FLT1: variants seen among roughly 807,000 people sequenced by gnomAD.
The protein encoded by FLT1 is vascular endothelial growth factor receptor 1.
FLT1 carries 49 observed loss-of-function variants against 156.3 expected under a neutral mutation model. The observed-to-expected ratio is 0.31, with a 90% CI of 0.25 to 0.40. FLT1 has a LOEUF of 0.40. Ranked by LOEUF, FLT1 falls within the 10% of genes least tolerant of loss-of-function variation. The pLI is 1.00. For synonymous variants in FLT1, 594 were observed against 583.8 expected (o/e 1.02, Z -0.25); for missense variants, 1,322 against 1,637.2 (o/e 0.81, Z 3.32).
At chr13:28,414,803 T>C (rs930408146) in intron 10 of FLT1, among the ~76,000 whole-genome samples, 1 of 151,452 alleles carries the variant, frequency 6.6e-6, no homozygotes, top group African/African-American at 2.4e-5. Flanking sequence ...CAATCACACA[T>C]CAGATGTCAA....
chr13:28,332,277 T>C (rs1871961393), intron 18 of FLT1, among the ~76,000 whole-genome samples: 1 of 152,054 alleles, frequency 6.6e-6, no homozygotes. Context: ...AACTCATTCA[T>C]CTCCCTATAA....
At chr13:28,386,734 T>TA in intron 13 of FLT1, 1 of 1,054,818 alleles carries the variant, frequency 9.5e-7, no homozygotes. Flanking sequence ...ATTTTTTACA[T>TA]AGTGAAGACC....
Position 28,433,807 on chromosome 13 carries a change from T to G in FLT1, c.813+12A>C, listed in dbSNP as rs779214046. On this transcript the variant is annotated intron_variant, in intron 6 of 29. Transcript: ENST00000282397. The stretch of plus-strand genomic sequence containing the variant: ...CTGTCCTGCAGAAGAAATAGAAAAA[T>G]GGGTCACTCACTTCATCAGGGTAAC... 1 of 1,613,020 alleles carries G rather than the reference T, an allele frequency of 6.2e-7. No individual in the cohort carries two copies.
chr13:28,447,209 G>T (rs1372260767), intron 3 of FLT1, among the ~76,000 whole-genome samples: 1 of 143,116 alleles, frequency 7.0e-6, no homozygotes. Context: ...TTGCAAAAGG[G>T]TCTCACTTTT....
rs1470186863 is a variant in FLT1, at chr13:28,405,878, T to G, written c.1453A>C (p.Asn485His). ...HSEARCDFCS[N>H]NEESFILDAD... ...TCCAGGATAAAGGACTCTTCATTAT[T>G]GGAACAAAAGTCACACCTATTAAAA... Residue 485 changes from asparagine (N) to histidine (H), a missense_variant, in exon 11 of 30, where the codon AAT (asparagine) becomes CAT (histidine). Coordinates refer to ENST00000282397, the MANE Select transcript of FLT1 (RefSeq NM_002019.4). 1 of 1,602,356 alleles carries G rather than the reference T, an allele frequency of 6.2e-7. No individual in the cohort carries two copies. Among genetic ancestry groups the G allele is most frequent in the Non-Finnish European group, 8.5e-7 (1 of 1,172,038 alleles).
intron 18 of FLT1, among the ~76,000 whole-genome samples, chr13:28,332,579 C>T (rs1467041577): frequency 6.6e-6 from 1 of 152,182 alleles, no homozygotes; most frequent in Non-Finnish European, 1.5e-5. Flanking sequence ...GAGGCCAGGT[C>T]TCTGCAGCCC....
chr13:28,357,007 T>C (rs1440188829), intron 15 of FLT1, among the ~76,000 whole-genome samples: 1 of 152,228 alleles, frequency 6.6e-6, no homozygotes, highest in Non-Finnish European at 1.5e-5. Context: ...ACTTGGAATA[T>C]TTTTCTTAAA....
Position 28,415,491 on chromosome 13 carries a change from A to AATG in FLT1, c.1437-9598_1437-9597insCAT, listed in dbSNP as rs200237687. On this transcript the variant is annotated intron_variant, in intron 10 of 29. Transcript: ENST00000282397. ...AGCAAAACTCCATCTTAATAATAAT[A>AATG]ATAATAATAATAGCACCATTTTATT... Among the ~76,000 whole-genome samples the AATG allele has an allele frequency of 4.4e-3, 675 of 152,238 alleles. 1 individual carries two copies. The highest frequency in any genetic ancestry group is 0.016 in the African/African-American group (649 of 41,532).
In FLT1 at chr13:28,301,526, GT is replaced by G. The variant is rs1280248734; in HGVS notation, c.*1640del. 4.3e-6 allele frequency: 1 copy of G among 233,036 alleles called. No homozygotes were observed. Among genetic ancestry groups the G allele is most frequent in the African/African-American group, 2.2e-5 (1 of 45,314 alleles). 14.4% of individuals were successfully genotyped at this position (233,036 alleles called of 1,614,324 possible). On this transcript the variant is annotated 3_prime_UTR_variant, in exon 30 of 30. Transcript: ENST00000282397. The stretch of plus-strand genomic sequence containing the variant: ...TAAGAACAGAGGCATACATTCTTCG[GT>G]TACTTAGAGCTCAGGTTCTACAGTT...
intron 25 of FLT1, among the ~76,000 whole-genome samples, chr13:28,314,157 C>CA: frequency 6.6e-6 from 1 of 152,202 alleles, no homozygotes; most frequent in Non-Finnish European, 1.5e-5. Context: ...GAGAGGCCTT[C>CA]AGGCAGAGGC....
chr13:28,393,364 T>C (rs1334234526), intron 12 of FLT1, among the ~76,000 whole-genome samples: 3 of 152,150 alleles, frequency 2.0e-5, no homozygotes, highest in Admixed American at 1.3e-4. Flanking sequence ...AGGGATGTCA[T>C]TTGTTGGGTA....
chr13:28,483,177 A>G (rs975757923), intron 1 of FLT1, among the ~76,000 whole-genome samples: 4 of 152,272 alleles, frequency 2.6e-5, no homozygotes, highest in South Asian at 2.1e-4. Flanking sequence ...AGAGAGTTAA[A>G]CAATGTTTTC....
rs1443793246 is a variant in FLT1 at position 28,302,197 on chromosome 13, A to C, written c.*970T>G. On this transcript the variant is annotated 3_prime_UTR_variant, in exon 30 of 30. Coordinates refer to ENST00000282397, the MANE Select transcript of FLT1 (RefSeq NM_002019.4). ...CTTTCTTTCACAACTAACTGTGCAA[A>C]ACAGAATAATACCAAGAAATTGAGT... The C allele has an allele frequency of 4.3e-6, 1 of 233,148 alleles. No homozygotes were observed. Among genetic ancestry groups the C allele is most frequent in the Non-Finnish European group, 8.5e-6 (1 of 118,044 alleles). The allele number at this position is 233,148 out of a possible 1,614,324, so 14.4% of individuals were successfully genotyped here.
intron 13 of FLT1, chr13:28,386,772 A>G: frequency 9.5e-7 from 1 of 1,053,960 alleles, no homozygotes; most frequent in Non-Finnish European, 1.1e-6. Flanking sequence ...ACATGACAAG[A>G]TCATAAAGAA....
Position 28,467,069 on chromosome 13 carries a change from C to T in FLT1, c.222G>A (p.Leu74=). The T allele has an allele frequency of 1.9e-6, 3 of 1,614,174 alleles. No individual in the cohort carries two copies. The South Asian group carries it at 3.3e-5, about 18-fold the overall frequency. Residue 74 remains leucine (L), a synonymous_variant, in exon 3 of 30, where the codon CTG becomes CTA. Coordinates refer to ENST00000282397, the MANE Select transcript of FLT1 (RefSeq NM_002019.4). ...TTCCACAGGCAGATTTAGTTATGCT[C>T]AGCCTTTCGCTTTCCTTACTCACCA... The part of the protein sequence containing the change: ...PEMVSKESER[L]SITKSACGRN...
intron 1 of FLT1, among the ~76,000 whole-genome samples, chr13:28,489,171 C>A (rs1252403023): frequency 6.6e-6 from 1 of 152,090 alleles, no homozygotes; most frequent in Non-Finnish European, 1.5e-5. Flanking sequence ...CTGAAGAGGA[C>A]AAATATTATC....
At chr13:28,380,562 T>C (rs549510334) in intron 14 of FLT1, among the ~76,000 whole-genome samples, 8 of 152,330 alleles carry the variant, frequency 5.3e-5, no homozygotes, top group Non-Finnish European at 1.2e-4. Context: ...AGTGCTAAAT[T>C]GCTAAATAGT....
chr13:28,327,276 T>C (rs932507485), intron 20 of FLT1, among the ~76,000 whole-genome samples, 186 bp downstream of exon 20: 5 of 152,218 alleles, frequency 3.3e-5, no homozygotes, highest in African/African-American at 1.2e-4. Context: ...TGATTCTCTG[T>C]GCTATCCACA....
At chr13:28,340,139 C>T (rs763453501) in intron 16 of FLT1, among the ~76,000 whole-genome samples, 4 of 151,842 alleles carry the variant, frequency 2.6e-5, no homozygotes, top group Non-Finnish European at 5.9e-5. Context: ...TGCTTGAACC[C>T]AGGAGGTGGA....
Sources: allele counts gnomAD v4.1 joint callset (sites outside exome capture counted in the v4.1 genomes callset), GRCh38; gene constraint gnomAD v4.1.1; transcripts MANE v1.5; gene names NCBI Gene and HGNC (gene_info 2026-07-23, HGNC 2026-07-21).